Variants in PDE4D observed in about 807,000 individuals in gnomAD.
PDE4D encodes phosphodiesterase 4D.
In PDE4D, 24 loss-of-function variants were observed where a neutral mutation model predicts 87.4. The observed-to-expected ratio is 0.27, with a 90% CI of 0.20 to 0.39. The LOEUF (loss-of-function observed/expected upper bound fraction) is 0.39, where lower values mean the gene tolerates loss of function less well. Among genes scored for constraint, PDE4D ranks in the 10% least tolerant of loss-of-function variants. The pLI, the probability that PDE4D is intolerant of heterozygous loss-of-function variation, is 1.00. For synonymous variants in PDE4D, 384 were observed against 383.2 expected, an observed-to-expected ratio of 1.00 and a Z score of -0.02; for missense variants, 714 against 1,041.0, an observed-to-expected ratio of 0.69 and a Z score of 4.32.
intron 2 of PDE4D, among the ~76,000 whole-genome samples, chr5:60,109,694 A>C (rs1329907812): frequency 6.6e-6 from 1 of 152,226 alleles, no homozygotes; most frequent in Admixed American, 6.5e-5. Flanking sequence ...AAAAATGATG[A>C]GTTCACGTCC....
intron 1 of PDE4D, among the ~76,000 whole-genome samples, chr5:60,359,385 G>A (rs148184913): frequency 2.0e-5 from 3 of 152,298 alleles, no homozygotes; most frequent in East Asian, 3.9e-4. Context: ...TCCAGCCTAG[G>A]TGTCAGAGTG....
intron 1 of PDE4D, among the ~76,000 whole-genome samples, chr5:59,751,355 T>C (rs1760427787): frequency 6.6e-6 from 1 of 152,138 alleles, no homozygotes; most frequent in Admixed American, 6.6e-5. Context: ...AGGATTATCT[T>C]GGGAAAAGTA....
intron 3 of PDE4D, among the ~76,000 whole-genome samples, chr5:59,907,866 A>G (rs972311045): frequency 6.6e-6 from 1 of 151,910 alleles, no homozygotes; most frequent in African/African-American, 2.4e-5. Flanking sequence ...CATGCCCACC[A>G]CAAATTGCTG....
chr5:60,399,657 G>T (rs1382488938), intron 1 of PDE4D, among the ~76,000 whole-genome samples: 1 of 152,244 alleles, frequency 6.6e-6, no homozygotes, highest in Non-Finnish European at 1.5e-5. Flanking sequence ...GGTGGCAGCA[G>T]CCAGTTGCCA....
At chr5:60,290,144 C>T (rs142064166) in intron 1 of PDE4D, among the ~76,000 whole-genome samples, 285 of 152,252 alleles carry the variant, frequency 1.9e-3, no homozygotes, top group Admixed American at 4.3e-3. Context: ...TATGTGGATT[C>T]CATCTGACCA....
At chr5:60,423,522 ATC>A (rs1332696768) in intron 1 of PDE4D, among the ~76,000 whole-genome samples, 1 of 152,226 alleles carries the variant, frequency 6.6e-6, no homozygotes, top group Middle Eastern at 3.2e-3. Flanking sequence ...ACATACCAGA[ATC>A]TCTGGGACAC....
chr5:59,746,773 G>T (rs1395368113), intron 1 of PDE4D, among the ~76,000 whole-genome samples: 1 of 152,012 alleles, frequency 6.6e-6, no homozygotes. Context: ...CGAGAATACG[G>T]ATTTACTTCA....
At chr5:59,071,164 C>T (rs1159677111) in intron 5 of PDE4D, among the ~76,000 whole-genome samples, 2 of 152,150 alleles carry the variant, frequency 1.3e-5, no homozygotes, top group African/African-American at 2.4e-5. Context: ...GGTTTCAAAA[C>T]GAATCTTCAG....
At chr5:59,429,592 A>G (rs1487330355) in intron 1 of PDE4D, among the ~76,000 whole-genome samples, 1 of 152,190 alleles carries the variant, frequency 6.6e-6, no homozygotes, top group African/African-American at 2.4e-5. Context: ...TGGATTCATA[A>G]AATTAGGGAG....
In PDE4D at chr5:60,148,350, A is replaced by C. The variant is rs561772363; in HGVS notation, c.42+37207T>G. The stretch of plus-strand genomic sequence containing the variant: ...ACAAAAGTAACAATACAACCACAAA[A>C]ATAATAATAAAAATCATTGTTTATA... On this transcript the variant is annotated intron_variant, in intron 2 of 16. Transcript: ENST00000502484. Among the ~76,000 whole-genome samples, 28 of 152,328 alleles carry C rather than the reference A, an allele frequency of 1.8e-4. 1 individual carries two copies. The Middle Eastern group carries it at 0.031, about 167-fold the overall frequency.
chr5:60,251,397 CT>C (rs1371962084), intron 1 of PDE4D, among the ~76,000 whole-genome samples: 1 of 151,854 alleles, frequency 6.6e-6, no homozygotes, highest in Non-Finnish European at 1.5e-5. Flanking sequence ...GTTTGTTGTT[CT>C]CCTCTATGAG....
intron 1 of PDE4D, among the ~76,000 whole-genome samples, chr5:59,287,104 G>T (rs890830248): frequency 2.9e-4 from 44 of 152,092 alleles, no homozygotes; most frequent in African/African-American, 1.1e-3. Context: ...AGCACCAAAG[G>T]GGTTCTAGGG....
At chr5:60,347,611 T>C (rs757108394) in intron 1 of PDE4D, among the ~76,000 whole-genome samples, 6 of 152,082 alleles carry the variant, frequency 3.9e-5, no homozygotes, top group Non-Finnish European at 1.5e-5. Flanking sequence ...TATTCTAAAA[T>C]ATTTAAATGC....
At chr5:60,439,991 T>C (rs780166884) in intron 1 of PDE4D, among the ~76,000 whole-genome samples, 5 of 151,734 alleles carry the variant, frequency 3.3e-5, no homozygotes, top group African/African-American at 4.8e-5. Context: ...ATCCTATCTC[T>C]CTCCAACTCT....
chr5:60,122,223 T>A (rs375323231), intron 2 of PDE4D, among the ~76,000 whole-genome samples: 1 of 152,146 alleles, frequency 6.6e-6, no homozygotes, highest in East Asian at 1.9e-4. Context: ...TGTCATTGGA[T>A]CTACCATTCT....
chr5:59,597,270 G>A (rs1826835109), intron 1 of PDE4D, among the ~76,000 whole-genome samples: 1 of 152,086 alleles, frequency 6.6e-6, no homozygotes, highest in South Asian at 2.1e-4. Context: ...ATATTGAATA[G>A]CTACAATGAA....
intron 1 of PDE4D, among the ~76,000 whole-genome samples, chr5:59,473,992 A>G (rs1802878913): frequency 6.6e-6 from 1 of 152,124 alleles, no homozygotes; most frequent in Admixed American, 6.6e-5. Flanking sequence ...ACCAGAATGT[A>G]CTCTGGGAAT....
At chr5:60,453,438 C>A (rs1746243170) in intron 1 of PDE4D, among the ~76,000 whole-genome samples, 1 of 151,992 alleles carries the variant, frequency 6.6e-6, no homozygotes, top group African/African-American at 2.4e-5. Context: ...TCAACAGAGA[C>A]AACCAAAAAG....
At chr5:59,338,199 C>T (rs188142554) in intron 1 of PDE4D, among the ~76,000 whole-genome samples, 19 of 152,336 alleles carry the variant, frequency 1.2e-4, no homozygotes, top group African/African-American at 4.3e-4. Flanking sequence ...TTGGTTCTCA[C>T]AGCCAACAAT....
Sources: gnomAD v4.1 joint callset for allele counts (sites outside exome capture counted in the v4.1 genomes callset) on GRCh38, gnomAD v4.1.1 for gene constraint, MANE v1.5 for transcripts, NCBI Gene and HGNC (gene_info 2026-07-23, HGNC 2026-07-21) for gene names.